The following MYT1 variants were observed in gnomAD, a reference collection of about 807,000 sequenced individuals.
The protein encoded by MYT1 is myelin transcription factor 1, also known as myelin transcription factor I.
A neutral mutation model predicts 123.0 loss-of-function variants in MYT1; 23 were observed. That is an observed-to-expected ratio of 0.19 (90% confidence interval 0.13 to 0.26). MYT1 has a LOEUF of 0.26. Ranked by LOEUF, MYT1 falls within the 10% of genes least tolerant of loss-of-function variation. The probability of loss-of-function intolerance (pLI) is 1.00; values close to 1 mark genes in which losing one functional copy is unlikely to be tolerated. For synonymous variants in MYT1, 518 were observed against 575.3 expected, an observed-to-expected ratio of 0.90 and a Z score of 1.43; for missense variants, 1,125 against 1,472.5, an observed-to-expected ratio of 0.76 and a Z score of 3.86.
rs1176095064 is a variant in MYT1, at chr20:64,205,103, A to C, written c.149+6A>C. 6.2e-7 allele frequency: 1 copy of C among 1,613,894 alleles called. No homozygotes were observed. The highest frequency in any genetic ancestry group is 1.3e-5 in the African/African-American group (1 of 74,930). ...AAGTACTCCAGGCACCGAAGGTAAG[A>C]GGACCCTTGGATCTCACGGAGATTC... is the stretch of plus-strand genomic sequence containing the variant. On this transcript the variant is annotated splice_donor_region_variant and intron_variant, in intron 5 of 22. Transcript: ENST00000328439.
intron 13 of MYT1, among the ~76,000 whole-genome samples, chr20:64,221,675 C>G (rs1351791338): frequency 2.0e-5 from 3 of 152,192 alleles, no homozygotes; most frequent in African/African-American, 4.8e-5. Context: ...CGCAGGACCT[C>G]TGGCTGAAGC....
chr20:64,206,091 G>A (rs1292992297), intron 6 of MYT1, among the ~76,000 whole-genome samples: 2 of 152,142 alleles, frequency 1.3e-5, no homozygotes, highest in Non-Finnish European at 2.9e-5. Flanking sequence ...TTTGGCAGGT[G>A]TGTCTGCATG....
chr20:64,209,017 G>A (rs1411607338), intron 7 of MYT1, among the ~76,000 whole-genome samples: 1 of 152,194 alleles, frequency 6.6e-6, no homozygotes, highest in Admixed American at 6.5e-5. Flanking sequence ...AGTGTGCAGG[G>A]TACAGGGGAG....
At chr20:64,187,104 G>A (rs868003242) in intron 1 of MYT1, among the ~76,000 whole-genome samples, 3 of 148,314 alleles carry the variant, frequency 2.0e-5, no homozygotes, top group Admixed American at 6.7e-5. Flanking sequence ...CCATGTTTCC[G>A]TGGAGAGTTT....
chr20:64,209,996 GT>G (rs1338459200), intron 7 of MYT1, among the ~76,000 whole-genome samples: 1 of 152,192 alleles, frequency 6.6e-6, no homozygotes, highest in Non-Finnish European at 1.5e-5. Flanking sequence ...CAGGCTGAAG[GT>G]GAGACTTAGG....
In MYT1 at chr20:64,192,165, C is replaced by T. The variant is rs555319454; in HGVS notation, c.-1+2005C>T. On this transcript the variant is annotated intron_variant, in intron 2 of 22. Coordinates refer to ENST00000328439, the MANE Select transcript of MYT1 (RefSeq NM_004535.3). This position sits in a 1 kb window ranked among gnomAD's most constrained non-coding sequence, Gnocchi z 5.3. The stretch of plus-strand genomic sequence containing the variant: ...TGCTTCTGTGAACAAAGCCAGGGAC[C>T]CGTGCCCAGGTTCTCGTGGCATCAC... 6.6e-6 allele frequency among the ~76,000 whole-genome samples: 1 copy of T among 152,312 alleles called. No homozygotes were observed. Among genetic ancestry groups the T allele is most frequent in the Non-Finnish European group, 1.5e-5 (1 of 68,036 alleles).
intron 7 of MYT1, 87 bp from the exon 8 acceptor site, chr20:64,211,119 A>C: frequency 6.9e-7 from 1 of 1,450,404 alleles, no homozygotes. Flanking sequence ...CTGGACAGCC[A>C]GAGAGAGGGT....
rs145595474 is a variant in MYT1, at chr20:64,166,664, C to A, written c.-99+1925C>A. Among the ~76,000 whole-genome samples the A allele has an allele frequency of 2.0e-3, 298 of 152,316 alleles. 2 individuals carry two copies. In the East Asian group the frequency reaches 0.024, roughly 12 times the overall value. On this transcript the variant is annotated intron_variant, in intron 1 of 22. Transcript: ENST00000328439. This position sits in a 1 kb window ranked among gnomAD's most constrained non-coding sequence, Gnocchi z 4.9. ...CAGTTGTTCAGAGCTAATGCTCTGG[C>A]CCCTCTTGGAAGATTCTGGCAAAGG...
At chr20:64,198,012 G>A (rs1337044743) in intron 2 of MYT1, among the ~76,000 whole-genome samples, 2 of 152,164 alleles carry the variant, frequency 1.3e-5, no homozygotes, top group African/African-American at 4.8e-5. Flanking sequence ...TGGGCCGGGC[G>A]CGGTGGCTCA....
Position 64,218,633 on chromosome 20 carries a change from C to T in MYT1, c.1847-278C>T, listed in dbSNP as rs923148900. On this transcript the variant is annotated intron_variant, in intron 11 of 22. Coordinates refer to ENST00000328439, the MANE Select transcript of MYT1 (RefSeq NM_004535.3). This position sits in a 1 kb window ranked among gnomAD's most constrained non-coding sequence, Gnocchi z 4.0. ...CAGAAACAAGATTGTCTCCTCAGTC[C>T]CCTAGAGGAGGGTGGGTGGGAGTGA... Among the ~76,000 whole-genome samples the T allele has an allele frequency of 6.6e-6, 1 of 152,114 alleles. No homozygotes were observed. Among genetic ancestry groups the T allele is most frequent in the Non-Finnish European group, 1.5e-5 (1 of 68,026 alleles).
chr20:64,172,028 G>A (rs1254526813), intron 1 of MYT1, among the ~76,000 whole-genome samples: 1 of 152,148 alleles, frequency 6.6e-6, no homozygotes, highest in Non-Finnish European at 1.5e-5. Context: ...CCTCCTACTG[G>A]CCACCCACTT....
chr20:64,179,274 C>T (rs1230171844), intron 1 of MYT1, among the ~76,000 whole-genome samples: 2 of 152,212 alleles, frequency 1.3e-5, no homozygotes, highest in Non-Finnish European at 2.9e-5. Context: ...GGTGGGATGC[C>T]CTTCAACGTG....
intron 21 of MYT1, 69 bp from the exon 22 acceptor site, chr20:64,239,691 G>A: frequency 6.2e-7 from 1 of 1,600,190 alleles, no homozygotes; most frequent in Non-Finnish European, 8.5e-7. Context: ...GTGAGAGGCA[G>A]CCCAGAGAGG....
chr20:64,227,270 G>A (rs1021756365), intron 16 of MYT1, 145 bp from the exon 17 acceptor site: 7 of 658,596 alleles, frequency 1.1e-5, no homozygotes, highest in African/African-American at 7.2e-5. Context: ...GGTGAACATC[G>A]GCGATGCTCC....
chr20:64,196,065 G>A lies in MYT1; in HGVS notation c.1-2797G>A, dbSNP rs1344863180. Among the ~76,000 whole-genome samples, 1 of 152,196 alleles carries A rather than the reference G, an allele frequency of 6.6e-6. No homozygotes were observed. The highest frequency in any genetic ancestry group is 2.4e-5 in the African/African-American group (1 of 41,438). On this transcript the variant is annotated intron_variant, in intron 2 of 22. Coordinates refer to ENST00000328439, the MANE Select transcript of MYT1 (RefSeq NM_004535.3). This position sits in a 1 kb window ranked among gnomAD's most constrained non-coding sequence, Gnocchi z 4.3. ...GGCCCAGCAGTAAGAGTGGGTGATG[G>A]GGTCGTTCTGCCTTTTCACTCTCAA...
At chr20:64,226,191 A>G (rs1176032243) in intron 16 of MYT1, among the ~76,000 whole-genome samples, 1 of 152,182 alleles carries the variant, frequency 6.6e-6, no homozygotes, top group African/African-American at 2.4e-5. Flanking sequence ...AAGGTATCCA[A>G]TGTGTGGCCC....
At chr20:64,237,145 A>T in intron 20 of MYT1, 142 bp from the exon 21 acceptor site, 1 of 626,746 alleles carries the variant, frequency 1.6e-6, no homozygotes. Context: ...TGAGCCCCAG[A>T]GAGAGATGAG....
intron 1 of MYT1, among the ~76,000 whole-genome samples, chr20:64,179,475 G>T (rs906267123): frequency 2.0e-5 from 3 of 152,202 alleles, no homozygotes; most frequent in African/African-American, 4.8e-5. Context: ...TGGGGGGAAG[G>T]TACTTTGAAA....
chr20:64,234,019 T>C (rs1034306159), intron 19 of MYT1, among the ~76,000 whole-genome samples: 1 of 152,188 alleles, frequency 6.6e-6, no homozygotes. Flanking sequence ...GCAGCTGGCA[T>C]GGACACAGCT....
Sources: gnomAD v4.1 joint callset for allele counts (sites outside exome capture counted in the v4.1 genomes callset) on GRCh38, gnomAD v4.1.1 for gene constraint, Gnocchi (gnomAD v3.1) non-coding constraint, MANE v1.5 for transcripts, NCBI Gene and HGNC (gene_info 2026-07-23, HGNC 2026-07-21) for gene names.